Variants in PCDHA1 observed in about 807,000 individuals in gnomAD.
The protein encoded by PCDHA1 is protocadherin alpha 1.
PCDHA1 carries 42 observed loss-of-function variants against 61.3 expected under a neutral mutation model. The observed-to-expected ratio is 0.69, with a 90% CI of 0.54 to 0.89. The LOEUF (loss-of-function observed/expected upper bound fraction) is 0.89, where lower values mean the gene tolerates loss of function less well. Among genes scored for constraint, PCDHA1 ranks in the 40% least tolerant of loss-of-function variants. PCDHA1 has a pLI of 0.00. For missense variants in PCDHA1, 1,256 were observed against 1,235.3 expected (o/e 1.02, Z -0.25); for synonymous variants, 610 against 553.8 (o/e 1.10, Z -1.43).
chr5:140,797,585 T>C, intron 1 of PCDHA1: 1 of 611,740 alleles, frequency 1.6e-6, no homozygotes, highest in South Asian at 2.2e-5. Flanking sequence ...CATTAAGTCA[T>C]AAGTAATAGA....
chr5:140,987,462 A>C (rs2097255249), intron 3 of PCDHA1, among the ~76,000 whole-genome samples: 1 of 152,154 alleles, frequency 6.6e-6, no homozygotes, highest in African/African-American at 2.4e-5. Flanking sequence ...AATTGTTAAG[A>C]GCTCAAGCTT....
chr5:140,786,145 T>A lies in PCDHA1; in HGVS notation c.-146T>A, dbSNP rs1427710904. On this transcript the variant is annotated 5_prime_UTR_variant, in exon 1 of 4. Coordinates refer to ENST00000504120, the MANE Select transcript of PCDHA1 (RefSeq NM_018900.4). ...CTTGTCAATAGAAGGGAGCTACTGATCACTAAAAGTGAAGGAGGAAGCTCC... is the reference window on the plus strand; with the variant it reads ...CTTGTCAATAGAAGGGAGCTACTGAACACTAAAAGTGAAGGAGGAAGCTCC... 8.1e-6 allele frequency: 8 copies of A among 992,690 alleles called. No homozygotes were observed. Among genetic ancestry groups the A allele is most frequent in the Non-Finnish European group, 1.2e-5 (8 of 669,844 alleles). 61.5% of individuals were successfully genotyped at this position (992,690 alleles called of 1,614,324 possible). A position where few individuals can be genotyped will look rare whatever the true frequency, so the allele number is the denominator to read the frequency against.
intron 1 of PCDHA1, chr5:140,841,181 C>G: frequency 2.6e-6 from 3 of 1,156,610 alleles, no homozygotes; most frequent in Non-Finnish European, 3.6e-6. Context: ...GGTCAATGTT[C>G]AAAGTCTTTT....
Position 140,788,054 on chromosome 5 carries a change from T to C in PCDHA1, c.1764T>C (p.Gly588=). The change falls in exon 1 of 4, where the codon GGT becomes GGC. Residue 588 remains glycine, a synonymous_variant. Coordinates refer to ENST00000504120, the MANE Select transcript of PCDHA1 (RefSeq NM_018900.4). The part of the protein sequence containing the change: ...SELVPRLVGA[G]HVVAKVRAVD... ...TGGTGCCGCGATTGGTGGGTGCGGG[T>C]CATGTGGTGGCGAAGGTGCGCGCAG... 1 of 1,613,788 alleles carries C rather than the reference T, an allele frequency of 6.2e-7. No individual in the cohort carries two copies. Among genetic ancestry groups the C allele is most frequent in the Non-Finnish European group, 8.5e-7 (1 of 1,179,848 alleles).
intron 3 of PCDHA1, among the ~76,000 whole-genome samples, chr5:140,995,684 A>T (rs2097694657): frequency 6.6e-6 from 1 of 152,144 alleles, no homozygotes; most frequent in Non-Finnish European, 1.5e-5. Flanking sequence ...ATTTTTTTTA[A>T]TTGTTAAATA....
At chr5:140,887,544 CATGG>C (rs2061491541) in intron 1 of PCDHA1, among the ~76,000 whole-genome samples, 2 of 152,098 alleles carry the variant, frequency 1.3e-5, no homozygotes, top group Non-Finnish European at 2.9e-5. Context: ...CCCCACCCCT[CATGG>C]TTACTGTTAA....
chr5:140,792,463 G>A (rs1761713259), intron 1 of PCDHA1, among the ~76,000 whole-genome samples: 1 of 152,180 alleles, frequency 6.6e-6, no homozygotes, highest in Admixed American at 6.5e-5. Flanking sequence ...ATCAAGTGCA[G>A]TGGGAGGAAG....
At chr5:140,946,893 A>T (rs1233227457) in intron 1 of PCDHA1, among the ~76,000 whole-genome samples, 1 of 151,482 alleles carries the variant, frequency 6.6e-6, no homozygotes, top group African/African-American at 2.4e-5. Context: ...TTACAATTAG[A>T]TAGGAAGAAT....
intron 1 of PCDHA1, among the ~76,000 whole-genome samples, chr5:140,871,905 G>A (rs1457249186): frequency 6.6e-6 from 1 of 152,124 alleles, no homozygotes; most frequent in Non-Finnish European, 1.5e-5. Flanking sequence ...GCAGAGTTTT[G>A]CCTTGATATT....
intron 1 of PCDHA1, among the ~76,000 whole-genome samples, chr5:140,791,823 T>C (rs1387772634): frequency 6.6e-6 from 1 of 152,248 alleles, no homozygotes; most frequent in Admixed American, 6.5e-5. Context: ...TGTTGTTTTT[T>C]TCTTCTGGGG....
intron 1 of PCDHA1, chr5:140,824,237 T>C: frequency 6.6e-7 from 1 of 1,508,824 alleles, no homozygotes; most frequent in Non-Finnish European, 9.2e-7. Flanking sequence ...TACACAAATA[T>C]TGTGGTACAC....
Position 140,787,198 on chromosome 5 carries a change from G to T in PCDHA1, c.908G>T (p.Arg303Met). The change falls in exon 1 of 4, where the codon AGG becomes ATG. Residue 303 changes from arginine (R) to methionine (M), a missense_variant. Arg to Met is a moderately conservative substitution (Grantham distance 91, BLOSUM62 -1). Coordinates refer to ENST00000504120, the MANE Select transcript of PCDHA1 (RefSeq NM_018900.4). ...FKVDSSSGEI[R>M]LIDKLDYEET... ...GTTGATTCCAGCTCAGGAGAAATTA[G>T]GTTAATTGATAAACTGGATTATGAA... 1 of 1,613,988 alleles carries T rather than the reference G, an allele frequency of 6.2e-7. No homozygotes were observed. The highest frequency in any genetic ancestry group is 8.5e-7 in the Non-Finnish European group (1 of 1,179,952).
chr5:140,976,556 T>G (rs2096722872), intron 1 of PCDHA1, among the ~76,000 whole-genome samples: 1 of 151,920 alleles, frequency 6.6e-6, no homozygotes, highest in African/African-American at 2.4e-5. Flanking sequence ...ATCTCATAAA[T>G]AAATAAATAA....
chr5:140,876,620 G>A lies in PCDHA1; in HGVS notation c.2394+87936G>A, dbSNP rs782423759. The A allele has an allele frequency of 1.1e-5, 18 of 1,614,062 alleles. No homozygotes were observed. The highest frequency in any genetic ancestry group is 1.7e-5 in the Admixed American group (1 of 60,010). Reference sequence around the variant, plus strand: ...TCGGATCGTGACTCTGGAGCCAATGGACAGGTCATCTGCTCACTGACACCT... The same window carrying A: ...TCGGATCGTGACTCTGGAGCCAATGAACAGGTCATCTGCTCACTGACACCT... On this transcript the variant is annotated intron_variant, in intron 1 of 3. Coordinates refer to ENST00000504120, the MANE Select transcript of PCDHA1 (RefSeq NM_018900.4).
rs2150351711 is a variant in PCDHA1 at position 140,843,069 on chromosome 5, G to C, written c.2394+54385G>C. On this transcript the variant is annotated intron_variant, in intron 1 of 3. Coordinates refer to ENST00000504120, the MANE Select transcript of PCDHA1 (RefSeq NM_018900.4). ...GGCGCAGCGAGCAAGCTGGTGCCGC[G>C]GTCTGTGGGCGCGGGCCACGTGGTA... The C allele has an allele frequency of 1.6e-5, 26 of 1,595,200 alleles. 3 individuals carry two copies. Among genetic ancestry groups the C allele is most frequent in the Non-Finnish European group, 2.2e-5 (26 of 1,165,304 alleles).
intron 1 of PCDHA1, chr5:140,807,884 C>G (rs782074587): frequency 6.2e-7 from 1 of 1,614,068 alleles, no homozygotes; most frequent in Non-Finnish European, 8.5e-7. Context: ...CATCACAGTA[C>G]TGGATGCCAA....
At chr5:140,808,225 T>C (rs535812009) in intron 1 of PCDHA1, 2 of 1,614,252 alleles carry the variant, frequency 1.2e-6, no homozygotes, top group South Asian at 2.2e-5. Context: ...ACAACGATAA[T>C]GTCCCAGATT....
chr5:140,993,256 A>C lies in PCDHA1; in HGVS notation c.2542+10693A>C, dbSNP rs1419636248. Among the ~76,000 whole-genome samples, 3 of 152,148 alleles carry C rather than the reference A, an allele frequency of 2.0e-5. No homozygotes were observed. In the East Asian group the frequency reaches 5.8e-4, roughly 29 times the overall value. On this transcript the variant is annotated intron_variant, in intron 3 of 3. Coordinates refer to ENST00000504120, the MANE Select transcript of PCDHA1 (RefSeq NM_018900.4). The stretch of plus-strand genomic sequence containing the variant: ...CTGAATCTGGGGATTTAGATATATA[A>C]ATTAGCTTCTTTGGTCTTTTCTTGC...
At chr5:140,953,284 T>G (rs2094869714) in intron 1 of PCDHA1, among the ~76,000 whole-genome samples, 1 of 152,160 alleles carries the variant, frequency 6.6e-6, no homozygotes, top group Admixed American at 6.5e-5. Flanking sequence ...TCTTTATATG[T>G]GATTCAGGGA....
Sources: allele counts gnomAD v4.1 joint callset (sites outside exome capture counted in the v4.1 genomes callset), GRCh38; gene constraint gnomAD v4.1.1; transcripts MANE v1.5; gene names NCBI Gene and HGNC (gene_info 2026-07-23, HGNC 2026-07-21).